Variants in NDFIP1 observed in about 807,000 individuals in gnomAD.
NDFIP1 encodes the protein Nedd4 family interacting protein 1.
NDFIP1 carries 7 observed loss-of-function variants against 28.8 expected under a neutral mutation model. That is an observed-to-expected ratio of 0.24 (90% confidence interval 0.14 to 0.46). The LOEUF is 0.46. Among genes scored for constraint, NDFIP1 ranks in the 20% least tolerant of loss-of-function variants. The pLI is 0.99. For missense variants in NDFIP1, 194 were observed against 269.1 expected (o/e 0.72, Z 1.95); for synonymous variants, 92 against 101.0 (o/e 0.91, Z 0.53).
chr5:142,129,284 A>C (rs1353208652), intron 1 of NDFIP1, among the ~76,000 whole-genome samples: 2 of 152,208 alleles, frequency 1.3e-5, no homozygotes, highest in African/African-American at 4.8e-5. Context: ...AGCTTCAAAT[A>C]ATGTTAAAAC....
intron 3 of NDFIP1, among the ~76,000 whole-genome samples, chr5:142,135,330 T>A (rs1019368163): frequency 6.6e-6 from 1 of 152,198 alleles, no homozygotes; most frequent in Admixed American, 6.5e-5. Flanking sequence ...CCTCGATTAC[T>A]GATATTCTAG....
chr5:142,125,950 G>A lies in NDFIP1; in HGVS notation c.64-5858G>A, dbSNP rs146336382. Among the ~76,000 whole-genome samples, 879 of 151,900 alleles carry A rather than the reference G, an allele frequency of 5.8e-3. 6 individuals are homozygous for A. The highest frequency in any genetic ancestry group is 0.017 in the Middle Eastern group (5 of 294). ...AAATCATTTGCCCATTTTATAATTG[G>A]GTTGCCTTTTTATTGTTTAGTCTCT... is the stretch of plus-strand genomic sequence containing the variant. On this transcript the variant is annotated intron_variant, in intron 1 of 7. Coordinates refer to ENST00000253814, the MANE Select transcript of NDFIP1 (RefSeq NM_030571.4).
At chr5:142,123,983 C>T (rs1166112529) in intron 1 of NDFIP1, among the ~76,000 whole-genome samples, 1 of 152,176 alleles carries the variant, frequency 6.6e-6, no homozygotes, top group African/African-American at 2.4e-5. Context: ...TGTTCATGAG[C>T]AGCTAGACTT....
chr5:142,144,087 A>T (rs973966340), intron 6 of NDFIP1: 5 of 152,268 alleles, frequency 3.3e-5, no homozygotes, highest in African/African-American at 1.2e-4. Context: ...GGGGATCCTG[A>T]CATCTAGTGG....
chr5:142,150,809 G>A (rs749667512), intron 7 of NDFIP1, among the ~76,000 whole-genome samples: 74 of 152,024 alleles, frequency 4.9e-4, no homozygotes, highest in Non-Finnish European at 9.6e-4. Flanking sequence ...AGAAAAGTAA[G>A]TTATAGGCCG....
At chr5:142,115,152 A>T (rs1278891036) in intron 1 of NDFIP1, among the ~76,000 whole-genome samples, 1 of 152,236 alleles carries the variant, frequency 6.6e-6, no homozygotes, top group Admixed American at 6.5e-5. Flanking sequence ...AAAGAAAAAA[A>T]GTCTCCAAGA....
chr5:142,114,575 A>T (rs1353959920), intron 1 of NDFIP1, among the ~76,000 whole-genome samples: 1 of 152,228 alleles, frequency 6.6e-6, no homozygotes, highest in Non-Finnish European at 1.5e-5. Flanking sequence ...TATTTCACTT[A>T]TACTCACCAC....
Position 142,153,214 on chromosome 5 carries a change from C to G in NDFIP1, c.*1486C>G, listed in dbSNP as rs755531232. ...TTTCTCCTGATTTCTATTCTTGTCT[C>G]AATCTTAAATTTAGAGACCAGTTGT... On this transcript the variant is annotated 3_prime_UTR_variant, in exon 8 of 8. Transcript: ENST00000253814. 1 of 449,634 alleles carries G rather than the reference C, an allele frequency of 2.2e-6. No individual in the cohort carries two copies. Among genetic ancestry groups the G allele is most frequent in the Non-Finnish European group, 4.5e-6 (1 of 224,216 alleles). 27.9% of individuals were successfully genotyped at this position (449,634 alleles called of 1,614,324 possible).
chr5:142,117,091 A>C (rs954135459), intron 1 of NDFIP1, among the ~76,000 whole-genome samples: 1 of 152,064 alleles, frequency 6.6e-6, no homozygotes, highest in Non-Finnish European at 1.5e-5. Flanking sequence ...TTGTCTTTTA[A>C]ATTAGTTTAT....
Position 142,153,289 on chromosome 5 carries a change from T to C in NDFIP1, c.*1561T>C, listed in dbSNP as rs1409527262. The stretch of plus-strand genomic sequence containing the variant: ...TTTTTCATTTTCTATTTAAGAAATA[T>C]GAAGAAAAAATACACCAAGATGGTC... On this transcript the variant is annotated 3_prime_UTR_variant, in exon 8 of 8. Coordinates refer to ENST00000253814, the MANE Select transcript of NDFIP1 (RefSeq NM_030571.4). 6 of 456,556 alleles carry C rather than the reference T, an allele frequency of 1.3e-5. No individual in the cohort carries two copies. In the East Asian group the frequency reaches 3.5e-4, roughly 26 times the overall value. 28.3% of individuals were successfully genotyped at this position (456,556 alleles called of 1,614,324 possible).
intron 1 of NDFIP1, 81 bp downstream of exon 1, chr5:142,109,118 G>A (rs1756984308): frequency 8.4e-7 from 1 of 1,189,410 alleles, no homozygotes; most frequent in Non-Finnish European, 1.1e-6. Flanking sequence ...CTCTCTGGCC[G>A]GCCCGCGGCC....
At chr5:142,117,979 C>T (rs945949134) in intron 1 of NDFIP1, among the ~76,000 whole-genome samples, 10 of 152,076 alleles carry the variant, frequency 6.6e-5, no homozygotes, top group Non-Finnish European at 7.4e-5. Flanking sequence ...AGCGATCATT[C>T]CCCCACTGAC....
intron 1 of NDFIP1, among the ~76,000 whole-genome samples, chr5:142,111,210 C>T (rs1757011274): frequency 6.6e-6 from 1 of 150,930 alleles, no homozygotes; most frequent in Admixed American, 6.6e-5. Context: ...TACATTTGCA[C>T]ATGTGTATCA....
In NDFIP1 at chr5:142,132,270, T is replaced by C. The variant is rs780223869; in HGVS notation, c.210T>C (p.Ala70=). The C allele has an allele frequency of 1.2e-6, 2 of 1,614,170 alleles. No homozygotes were observed. Among genetic ancestry groups the C allele is most frequent in the East Asian group, 2.2e-5 (1 of 44,884 alleles). Residue 70 remains alanine (A), a synonymous_variant, in exon 3 of 8, where the codon GCT becomes GCC. Coordinates refer to ENST00000253814, the MANE Select transcript of NDFIP1 (RefSeq NM_030571.4). ...CAAAGCCCCCATCTTACAATGTAGCTACAACACTGCCCAGTTATGATGAAG... is the reference window on the plus strand; with the variant it reads ...CAAAGCCCCCATCTTACAATGTAGCCACAACACTGCCCAGTTATGATGAAG... The part of the protein sequence containing the change: ...GFPKPPSYNV[A]TTLPSYDEAE...
At chr5:142,136,818 C>A (rs1353562757) in intron 4 of NDFIP1, among the ~76,000 whole-genome samples, 1 of 148,390 alleles carries the variant, frequency 6.7e-6, no homozygotes, top group Non-Finnish European at 1.5e-5. Flanking sequence ...GTAATCCCAG[C>A]ACTTTGGAAG....
At chr5:142,151,112 C>A (rs1362278000) in intron 7 of NDFIP1, among the ~76,000 whole-genome samples, 7 of 152,170 alleles carry the variant, frequency 4.6e-5, no homozygotes, top group African/African-American at 1.7e-4. Context: ...ATATTCCTTT[C>A]TTAAAATTTA....
intron 1 of NDFIP1, among the ~76,000 whole-genome samples, chr5:142,114,846 G>C (rs1305838024): frequency 6.6e-6 from 1 of 152,164 alleles, no homozygotes; most frequent in East Asian, 1.9e-4. Flanking sequence ...ATAGATTCCT[G>C]TTAATCTATC....
At chr5:142,137,609 C>A in intron 4 of NDFIP1, 125 bp from the exon 5 acceptor site, 1 of 1,105,430 alleles carries the variant, frequency 9.0e-7, no homozygotes. Context: ...GGTATGGTGA[C>A]GGTTGTGGAG....
intron 4 of NDFIP1, among the ~76,000 whole-genome samples, chr5:142,136,300 TA>T (rs1757273930): frequency 6.6e-6 from 1 of 152,200 alleles, no homozygotes; most frequent in Non-Finnish European, 1.5e-5. Context: ...ATTAGAAAGA[TA>T]AGAAAATGCA....
Sources: allele counts gnomAD v4.1 joint callset (sites outside exome capture counted in the v4.1 genomes callset), GRCh38; gene constraint gnomAD v4.1.1; transcripts MANE v1.5; gene names NCBI Gene and HGNC (gene_info 2026-07-23, HGNC 2026-07-21).